The following XG variants were observed in gnomAD, a reference collection of about 807,000 sequenced individuals.
XG encodes glycoprotein Xg.
A neutral mutation model predicts 25.7 loss-of-function variants in XG; 24 were observed. That is an observed-to-expected ratio of 0.93 (90% CI 0.68 to 1.31). The LOEUF is 1.31. Ranked by LOEUF, XG falls within the 40% of genes most tolerant of loss-of-function variation. The pLI is 0.00. For synonymous variants in XG, 77 were observed against 69.2 expected, an observed-to-expected ratio of 1.11 and a Z score of -0.56; for missense variants, 181 against 187.6, an observed-to-expected ratio of 0.96 and a Z score of 0.21.
chrX:2,787,556 CTGTT>C (rs758668895), intron 4 of XG, among the ~76,000 whole-genome samples: 88 of 111,512 alleles, frequency 7.9e-4, no homozygotes, highest in South Asian at 2.7e-3. Context: ...CCCCACTCCT[CTGTT>C]TGGCCCCCAA....
chrX:2,758,555 G>A (rs1027070117), intron 1 of XG, among the ~76,000 whole-genome samples: 2 of 152,184 alleles, frequency 1.3e-5, no homozygotes, highest in African/African-American at 4.8e-5. Flanking sequence ...CTCTATGCAG[G>A]CCCAAGGTGA....
At chrX:2,756,200 G>C (rs1041561748) in intron 1 of XG, among the ~76,000 whole-genome samples, 3 of 152,126 alleles carry the variant, frequency 2.0e-5, no homozygotes, top group Non-Finnish European at 2.9e-5. Context: ...TATTTAATTA[G>C]TATTTGCCGT....
intron 3 of XG, among the ~76,000 whole-genome samples, chrX:2,775,710 C>T (rs1006383658): frequency 5.9e-5 from 9 of 151,960 alleles, no homozygotes; most frequent in Admixed American, 5.2e-4. Flanking sequence ...AATCCCAGCG[C>T]TTTGAAAGGC....
In XG at chrX:2,791,018, A is replaced by G. The variant is rs185441541; in HGVS notation, c.253+1312A>G. ...TGACTGAAAAATACCATGCACACTA[A>G]GACATTTCAAGTTATGATGGAGGAA... On this transcript the variant is annotated intron_variant, in intron 5 of 10. Coordinates refer to ENST00000644266, the MANE Select transcript of XG (RefSeq NM_001141919.2). 3.6e-5 allele frequency among the ~76,000 whole-genome samples: 4 copies of G among 110,465 alleles called. No homozygotes were observed. The East Asian group carries it at 1.1e-3, about 31-fold the overall frequency.
At chrX:2,762,516 G>A (rs987509337) in intron 1 of XG, among the ~76,000 whole-genome samples, 8 of 151,934 alleles carry the variant, frequency 5.3e-5, no homozygotes, top group African/African-American at 1.9e-4. Flanking sequence ...GGGAGTCCCT[G>A]GATATTCATG....
chrX:2,800,482 G>A (rs1200603757), intron 7 of XG, among the ~76,000 whole-genome samples: 2 of 112,155 alleles, frequency 1.8e-5, no homozygotes, highest in Non-Finnish European at 3.8e-5. Flanking sequence ...ATATTTTGAT[G>A]TCCGTCATCT....
At chrX:2,771,471 A>G (rs1352470043) in intron 2 of XG, among the ~76,000 whole-genome samples, 1 of 152,120 alleles carries the variant, frequency 6.6e-6, no homozygotes, top group African/African-American at 2.4e-5. Context: ...TTTCTGGCTG[A>G]CCAGAATGCT....
intron 1 of XG, among the ~76,000 whole-genome samples, chrX:2,765,041 CAAAAAAAAAAAA>C (rs1219282861): frequency 3.8e-4 from 14 of 36,624 alleles, no homozygotes; most frequent in Admixed American, 5.2e-4. Flanking sequence ...ATTCTTTATC[CAAAAAAAAAAAA>C]AAAAAAAAAA....
At chrX:2,807,166 TTGTG>T (rs752744594) in intron 8 of XG, among the ~76,000 whole-genome samples, 9 of 112,598 alleles carry the variant, frequency 8.0e-5, no homozygotes, top group Non-Finnish European at 1.9e-5. Flanking sequence ...ACATGCATGT[TTGTG>T]TATGTGCACA....
intron 1 of XG, among the ~76,000 whole-genome samples, chrX:2,756,078 A>G (rs972186849): frequency 3.3e-5 from 5 of 152,254 alleles, no homozygotes; most frequent in African/African-American, 1.2e-4. Flanking sequence ...AATGGTTAAT[A>G]TGCTGTAAAT....
intron 1 of XG, among the ~76,000 whole-genome samples, chrX:2,757,040 G>T (rs781016227): frequency 6.6e-5 from 10 of 152,300 alleles, no homozygotes; most frequent in African/African-American, 2.2e-4. Flanking sequence ...AGAAGAGTTT[G>T]TTGCCAGATG....
At chrX:2,780,409 CTT>C (rs761736293) in intron 3 of XG, among the ~76,000 whole-genome samples, 72 of 122,534 alleles carry the variant, frequency 5.9e-4, no homozygotes, top group African/African-American at 2.1e-3. Flanking sequence ...AACAATTGGG[CTT>C]TTTTTTTTTT....
intron 1 of XG, among the ~76,000 whole-genome samples, chrX:2,756,240 G>A (rs1363818739): frequency 3.3e-5 from 5 of 152,208 alleles, no homozygotes; most frequent in Admixed American, 1.3e-4. Context: ...AGGAGCACGA[G>A]ACAAAATCAG....
chrX:2,813,879 T>C (rs746423093), intron 10 of XG, among the ~76,000 whole-genome samples: 1 of 112,742 alleles, frequency 8.9e-6, no homozygotes, highest in East Asian at 2.8e-4. Flanking sequence ...AATGGCAAAA[T>C]GTCAAAAACA....
In XG at chrX:2,767,657, G is replaced by T. The variant is rs183834013; in HGVS notation, c.62-2893G>T. Among the ~76,000 whole-genome samples the T allele has an allele frequency of 3.6e-3, 544 of 152,212 alleles. 5 individuals carry two copies. Among genetic ancestry groups the T allele is most frequent in the Admixed American group, 0.016 (241 of 15,278 alleles). On this transcript the variant is annotated intron_variant, in intron 1 of 10. Coordinates refer to ENST00000644266, the MANE Select transcript of XG (RefSeq NM_001141919.2). ...ACCTGGGACATCTCCCAGCCCAGGG[G>T]TCTTACTCCAGACCCGTGAGGACCC...
rs2086857547 is a variant in XG, at chrX:2,793,717, G to T, written c.254-818G>T. ...TGGGGAGCCAAGAGAGAGACAGGGG[G>T]ATGGTGCTGGTTTCAGACAAGATAG... On this transcript the variant is annotated intron_variant, in intron 5 of 10. Coordinates refer to ENST00000644266, the MANE Select transcript of XG (RefSeq NM_001141919.2). 6.3e-5 allele frequency among the ~76,000 whole-genome samples: 7 copies of T among 111,756 alleles called. No homozygotes were observed. In the South Asian group the frequency reaches 2.6e-3, roughly 42 times the overall value.
At chrX:2,771,991 C>T (rs1302647474) in intron 2 of XG, among the ~76,000 whole-genome samples, 1 of 152,114 alleles carries the variant, frequency 6.6e-6, no homozygotes, top group Non-Finnish European at 1.5e-5. Context: ...GGGTTAGAGG[C>T]AGGTGTGTGG....
chrX:2,795,315 A>G (rs1177874619), intron 6 of XG, among the ~76,000 whole-genome samples: 2 of 107,661 alleles, frequency 1.9e-5, no homozygotes, highest in African/African-American at 6.6e-5. Flanking sequence ...TACATTTTAT[A>G]TACATTTTAA....
intron 1 of XG, among the ~76,000 whole-genome samples, chrX:2,760,951 G>A (rs2050552637): frequency 6.6e-6 from 1 of 152,114 alleles, no homozygotes; most frequent in Non-Finnish European, 1.5e-5. Context: ...CTTGATCTCA[G>A]ACTTCCAGCT....
Sources: allele counts gnomAD v4.1 joint callset (sites outside exome capture counted in the v4.1 genomes callset), GRCh38; gene constraint gnomAD v4.1.1; transcripts MANE v1.5; gene names NCBI Gene and HGNC (gene_info 2026-07-23, HGNC 2026-07-21).